The following SNAP25 variants were observed in gnomAD, a reference collection of about 807,000 sequenced individuals.
The protein encoded by SNAP25 is synaptosomal-associated protein 25.
Under a neutral mutation model 28.7 loss-of-function variants are expected in SNAP25, and 3 were observed. The observed-to-expected ratio is 0.10, with a 90% CI of 0.05 to 0.27. The LOEUF (loss-of-function observed/expected upper bound fraction) is 0.27. SNAP25 is among the 10% of genes least tolerant of loss of function. SNAP25 has a pLI of 1.00. For synonymous variants in SNAP25, 61 were observed against 88.1 expected, an observed-to-expected ratio of 0.69 and a Z score of 1.72; for missense variants, 117 against 278.7, an observed-to-expected ratio of 0.42 and a Z score of 4.13.
rs1013798575 is a variant in SNAP25 at position 10,282,769 on chromosome 20, T to G, written c.115-1955T>G. Among the ~76,000 whole-genome samples, 47 of 152,116 alleles carry G rather than the reference T, an allele frequency of 3.1e-4. 2 individuals carry two copies. The highest frequency in any genetic ancestry group is 2.4e-5 in the African/African-American group (1 of 41,406). On this transcript the variant is annotated intron_variant, in intron 3 of 7. Transcript: ENST00000254976. ...CCTCAGCAGAACCTGCATTGTCACATCCCTATGCCCGAATAGCCATCTGCC... is the reference window on the plus strand; with the variant it reads ...CCTCAGCAGAACCTGCATTGTCACAGCCCTATGCCCGAATAGCCATCTGCC...
intron 1 of SNAP25, among the ~76,000 whole-genome samples, chr20:10,225,995 G>A (rs539311973): frequency 3.9e-5 from 6 of 152,266 alleles, no homozygotes; most frequent in African/African-American, 1.2e-4. Context: ...TGAAAATCCT[G>A]CAAGTTGGAC....
intron 1 of SNAP25, among the ~76,000 whole-genome samples, chr20:10,252,374 CT>C (rs2063245561): frequency 6.6e-6 from 1 of 152,190 alleles, no homozygotes; most frequent in African/African-American, 2.4e-5. Context: ...GGCCATACAA[CT>C]ACAATGCTTG....
chr20:10,294,569 C>T (rs1424631783), intron 5 of SNAP25, among the ~76,000 whole-genome samples: 2 of 152,184 alleles, frequency 1.3e-5, no homozygotes, highest in South Asian at 4.1e-4. Context: ...GCAACTTCCA[C>T]ATCTATGAGG....
At chr20:10,241,212 A>G (rs946528500) in intron 1 of SNAP25, among the ~76,000 whole-genome samples, 1 of 151,678 alleles carries the variant, frequency 6.6e-6, no homozygotes, top group Non-Finnish European at 1.5e-5. Context: ...GCAGTGGGGG[A>G]AGTGAGGGCA....
At chr20:10,224,056 C>G (rs920881314) in intron 1 of SNAP25, among the ~76,000 whole-genome samples, 5 of 152,072 alleles carry the variant, frequency 3.3e-5, no homozygotes, top group Admixed American at 6.6e-5. Context: ...ACCTTGTGGT[C>G]AGATTACTAT....
intron 5 of SNAP25, 148 bp from the exon 6 acceptor site, chr20:10,296,777 G>A: frequency 8.7e-7 from 1 of 1,153,582 alleles, no homozygotes; most frequent in African/African-American, 1.6e-5. Flanking sequence ...CCAACTGTTT[G>A]GGTCTGGATT....
intron 1 of SNAP25, among the ~76,000 whole-genome samples, chr20:10,258,014 T>G (rs1281239729): frequency 6.6e-6 from 1 of 152,178 alleles, no homozygotes; most frequent in African/African-American, 2.4e-5. Flanking sequence ...AGCAAAATGA[T>G]GGATGCACAT....
rs1214430637 is a variant in SNAP25, at chr20:10,227,938, T to A, written c.-64+8961T>A. ...TAGAATTGGCATGGTGGACACAAGTTTTTCATGTCAATTCCGCTTCCTTAA... is the reference window on the plus strand; with the variant it reads ...TAGAATTGGCATGGTGGACACAAGTATTTCATGTCAATTCCGCTTCCTTAA... On this transcript the variant is annotated intron_variant, in intron 1 of 7. Transcript: ENST00000254976. 3.3e-5 allele frequency among the ~76,000 whole-genome samples: 5 copies of A among 152,080 alleles called. No individual in the cohort carries two copies. In the East Asian group the frequency reaches 9.6e-4, roughly 29 times the overall value.
intron 4 of SNAP25, among the ~76,000 whole-genome samples, chr20:10,291,832 T>C (rs2064005237): frequency 6.6e-6 from 1 of 152,236 alleles, no homozygotes; most frequent in African/African-American, 2.4e-5. Flanking sequence ...TTAGGTTTTG[T>C]AATTAGCCAG....
intron 7 of SNAP25, among the ~76,000 whole-genome samples, chr20:10,304,749 G>C (rs914030858): frequency 2.0e-5 from 3 of 152,180 alleles, no homozygotes; most frequent in African/African-American, 7.2e-5. Flanking sequence ...GTTATTCAAG[G>C]TTTACAGTAT....
chr20:10,300,748 T>C (rs2064217113), intron 7 of SNAP25, among the ~76,000 whole-genome samples: 1 of 152,220 alleles, frequency 6.6e-6, no homozygotes, highest in Non-Finnish European at 1.5e-5. Context: ...AACTTTAGTG[T>C]TGGTTGGCAA....
At chr20:10,225,259 G>A (rs921056986) in intron 1 of SNAP25, among the ~76,000 whole-genome samples, 22 of 150,716 alleles carry the variant, frequency 1.5e-4, no homozygotes, top group Admixed American at 1.1e-3. Flanking sequence ...CATTCGCCTT[G>A]TCACAACCTA....
intron 4 of SNAP25, among the ~76,000 whole-genome samples, chr20:10,285,210 A>G (rs1459282203): frequency 6.6e-6 from 1 of 152,164 alleles, no homozygotes; most frequent in Non-Finnish European, 1.5e-5. Context: ...AGTATCTAGT[A>G]GTTTTGGGTA....
intron 1 of SNAP25, among the ~76,000 whole-genome samples, chr20:10,250,900 G>A (rs1023718940): frequency 6.6e-6 from 1 of 152,134 alleles, no homozygotes; most frequent in African/African-American, 2.4e-5. Context: ...AAACAGATTT[G>A]TAGCCTGGGA....
chr20:10,277,018 A>C (rs1198205591), intron 2 of SNAP25, among the ~76,000 whole-genome samples: 1 of 152,222 alleles, frequency 6.6e-6, no homozygotes, highest in African/African-American at 2.4e-5. Flanking sequence ...GAGAAATCAC[A>C]CTGGTTGTTG....
At chr20:10,286,846 A>G (rs1468205697) in intron 4 of SNAP25, among the ~76,000 whole-genome samples, 1 of 152,174 alleles carries the variant, frequency 6.6e-6, no homozygotes. Context: ...CTAGAGTTCC[A>G]TGTTGAAGAT....
intron 1 of SNAP25, among the ~76,000 whole-genome samples, chr20:10,225,245 A>AAAC (rs1555784909): frequency 1.3e-5 from 2 of 151,670 alleles, no homozygotes; most frequent in Non-Finnish European, 2.9e-5. Context: ...AAAAAAAAAA[A>AAAC]ACACATTCGC....
At chr20:10,285,564 G>A (rs1340112414) in intron 4 of SNAP25, among the ~76,000 whole-genome samples, 1 of 151,890 alleles carries the variant, frequency 6.6e-6, no homozygotes, top group Non-Finnish European at 1.5e-5. Context: ...TTCATATTTT[G>A]TAAAAGCATT....
chr20:10,295,189 A>G (rs1368328802), intron 5 of SNAP25, among the ~76,000 whole-genome samples: 2 of 152,230 alleles, frequency 1.3e-5, no homozygotes, highest in African/African-American at 2.4e-5. Flanking sequence ...CTGTCTCGGC[A>G]TGTTTCAAGG....
Sources: allele counts gnomAD v4.1 joint callset (sites outside exome capture counted in the v4.1 genomes callset), GRCh38; gene constraint gnomAD v4.1.1; transcripts MANE v1.5; gene names NCBI Gene and HGNC (gene_info 2026-07-23, HGNC 2026-07-21).